NTN1: variants seen among roughly 807,000 people sequenced by gnomAD.
NTN1 encodes the protein netrin-1.
In NTN1, 11 loss-of-function variants were observed where a neutral mutation model predicts 54.2. The observed-to-expected ratio is 0.20, with a 90% CI of 0.13 to 0.34. NTN1 has a LOEUF of 0.34. Ranked by LOEUF, NTN1 falls within the 10% of genes least tolerant of loss-of-function variation. The probability of loss-of-function intolerance (pLI) is 1.00; values close to 1 mark genes in which losing one functional copy is unlikely to be tolerated. For missense variants in NTN1, 740 were observed against 893.1 expected, an observed-to-expected ratio of 0.83 and a Z score of 2.18; for synonymous variants, 371 against 382.0, an observed-to-expected ratio of 0.97 and a Z score of 0.33.
At chr17:9,087,214 G>GA (rs1167615803) in intron 2 of NTN1, among the ~76,000 whole-genome samples, 1 of 152,170 alleles carries the variant, frequency 6.6e-6, no homozygotes, top group Non-Finnish European at 1.5e-5. Context: ...GGATGAGTGG[G>GA]AGGTGGCTAG....
intron 5 of NTN1, chr17:9,183,789 G>C (rs1396278229): frequency 5.9e-6 from 1 of 170,358 alleles, no homozygotes; most frequent in African/African-American, 2.4e-5. Context: ...TCTGAGGAAG[G>C]GTCCACAGGC....
rs1355084031 is a variant in NTN1 at position 9,239,589 on chromosome 17, A to T, written c.1487-51A>T. The stretch of plus-strand genomic sequence containing the variant: ...TTCTCCCCAGGCTCAGGCAGGGCGG[A>T]CCTAGCCACAGCAGCTGGGAGCCCA... On this transcript the variant is annotated intron_variant, in intron 6 of 6. Coordinates refer to ENST00000173229, the MANE Select transcript of NTN1 (RefSeq NM_004822.3). The surrounding 1 kb of genome is among the most constrained non-coding windows in gnomAD (Gnocchi z 5.2). The T allele has an allele frequency of 6.4e-7, 1 of 1,563,096 alleles. No homozygotes were observed. The highest frequency in any genetic ancestry group is 8.8e-7 in the Non-Finnish European group (1 of 1,142,244).
rs148213778 is a variant in NTN1, at chr17:9,226,161, T to TGGGGGGGGGGGGGG, written c.1486+4919_1486+4920insGGGGGGGGGGGGGG. On this transcript the variant is annotated intron_variant, in intron 6 of 6. Transcript: ENST00000173229. ...CGAAGCAAGGCAAAGGGATTTGGGG[T>TGGGGGGGGGGGGGG]CGGGGGGGGGCCTCAGTGCCAAGGC... Among the ~76,000 whole-genome samples, 10 of 118,066 alleles carry TGGGGGGGGGGGGGG rather than the reference T, an allele frequency of 8.5e-5. 1 individual carries two copies. Among genetic ancestry groups the TGGGGGGGGGGGGGG allele is most frequent in the Non-Finnish European group, 1.4e-4 (8 of 55,280 alleles). The allele number at this position is 118,066 out of a possible 152,430, so 77.5% of individuals were successfully genotyped here.
At chr17:9,009,979 C>G in the NTN1 span, among the ~76,000 whole-genome samples, 3 of 152,202 alleles carry the variant, frequency 2.0e-5, no homozygotes, top group Non-Finnish European at 4.4e-5. Flanking sequence ...TCTCTAAGGG[C>G]CGCCTCTGTC....
At chr17:9,237,386 A>C (rs1486252364) in intron 6 of NTN1, among the ~76,000 whole-genome samples, 1 of 152,150 alleles carries the variant, frequency 6.6e-6, no homozygotes, top group Non-Finnish European at 1.5e-5. Flanking sequence ...ATTTTTAAAA[A>C]TTTTAATGGG....
intron 2 of NTN1, among the ~76,000 whole-genome samples, chr17:9,112,288 A>G (rs1418717339): frequency 6.6e-6 from 1 of 152,244 alleles, no homozygotes; most frequent in African/African-American, 2.4e-5. Flanking sequence ...GAATCCACAA[A>G]TAATGAGGTT....
rs1251906343 is a variant in NTN1, at chr17:9,212,917, C to G, written c.1412-8251C>G. On this transcript the variant is annotated intron_variant, in intron 5 of 6. Coordinates refer to ENST00000173229, the MANE Select transcript of NTN1 (RefSeq NM_004822.3). The surrounding 1 kb of genome is among the most constrained non-coding windows in gnomAD (Gnocchi z 5.5). ...ACCGTGGCCGCCGGGCTCTGCCTGC[C>G]ATATGCTCAGAGATGAGCCTCGATC... is the stretch of plus-strand genomic sequence containing the variant. Among the ~76,000 whole-genome samples, 1 of 152,224 alleles carries G rather than the reference C, an allele frequency of 6.6e-6. No homozygotes were observed.
chr17:9,086,805 C>G (rs1469148565), intron 2 of NTN1, among the ~76,000 whole-genome samples: 1 of 152,160 alleles, frequency 6.6e-6, no homozygotes, highest in Non-Finnish European at 1.5e-5. Context: ...CCTGCACCAT[C>G]ACCATCATCA....
At chr17:9,184,799 G>A (rs2092428432) in intron 5 of NTN1, among the ~76,000 whole-genome samples, 1 of 152,222 alleles carries the variant, frequency 6.6e-6, no homozygotes, top group African/African-American at 2.4e-5. Flanking sequence ...GGAGGGGAGG[G>A]ATCTCATGAG....
At position 9,159,762 on chromosome 17, in the gene NTN1, C is replaced by G. The variant is rs191707808; in HGVS notation, c.1019-3051C>G. On this transcript the variant is annotated intron_variant, in intron 2 of 6. Transcript: ENST00000173229. ...GTTGCAGTGAGCCAAGATCACGCCA[C>G]TGCACTCCAGCCTGGGCTACAGAAC... Among the ~76,000 whole-genome samples, 111 of 152,196 alleles carry G rather than the reference C, an allele frequency of 7.3e-4. 1 individual carries two copies. The highest frequency in any genetic ancestry group is 2.6e-3 in the African/African-American group (109 of 41,534).
chr17:9,005,159 G>A, the NTN1 span, among the ~76,000 whole-genome samples: 11 of 152,186 alleles, frequency 7.2e-5, no homozygotes, highest in South Asian at 1.5e-3. Flanking sequence ...GAGCTTTAGC[G>A]ACTCCCAGAT....
intron 6 of NTN1, among the ~76,000 whole-genome samples, chr17:9,225,657 G>C (rs968215044): frequency 1.3e-5 from 2 of 152,210 alleles, no homozygotes; most frequent in Non-Finnish European, 2.9e-5. Context: ...TGACCAGTAG[G>C]GGGAGGGCAG....
chr17:9,200,449 A>G (rs1448021619), intron 5 of NTN1, among the ~76,000 whole-genome samples: 1 of 152,234 alleles, frequency 6.6e-6, no homozygotes, highest in Admixed American at 6.5e-5. Flanking sequence ...GTTACAGCGG[A>G]TTAGCAGCCG....
At chr17:9,119,880 T>C (rs1201567638) in intron 2 of NTN1, among the ~76,000 whole-genome samples, 1 of 152,194 alleles carries the variant, frequency 6.6e-6, no homozygotes, top group Non-Finnish European at 1.5e-5. Flanking sequence ...TGATGGCTAA[T>C]GATGTTGAGC....
At chr17:9,137,068 C>G (rs139787894) in intron 2 of NTN1, among the ~76,000 whole-genome samples, 1 of 152,266 alleles carries the variant, frequency 6.6e-6, no homozygotes, top group East Asian at 1.9e-4. Flanking sequence ...ATTTTCTCCC[C>G]TCCTCCACAC....
intron 6 of NTN1, among the ~76,000 whole-genome samples, chr17:9,225,286 C>T (rs1285942974): frequency 6.6e-6 from 1 of 151,956 alleles, no homozygotes; most frequent in Non-Finnish European, 1.5e-5. Flanking sequence ...GTTGGGGAGT[C>T]CTCCCCACCC....
At chr17:9,191,588 CT>C (rs765656618) in intron 5 of NTN1, among the ~76,000 whole-genome samples, 12 of 152,080 alleles carry the variant, frequency 7.9e-5, no homozygotes, top group Non-Finnish European at 1.2e-4. Context: ...TAATAAAGAA[CT>C]TTTACAGTTC....
At chr17:9,161,934 A>G (rs2092358122) in intron 2 of NTN1, among the ~76,000 whole-genome samples, 1 of 110,098 alleles carries the variant, frequency 9.1e-6, no homozygotes, top group African/African-American at 3.3e-5. Context: ...GAGACCCCAG[A>G]CCTGAAGCTG....
chr17:9,182,921 C>T lies in NTN1; in HGVS notation c.1363C>T (p.Pro455Ser). ...RSPIAPCIKI[P>S]VAPPTTAASS... is the part of the protein sequence containing the mutation. The stretch of plus-strand genomic sequence containing the variant: ...CCGTCTTGAACCTCACAAAGAGATC[C>T]CTGTAGCGCCGCCGACGACTGCAGC... The change falls in exon 5 of 7, where the codon CCT (proline) becomes TCT (serine). Residue 455 changes from proline (P) to serine (S), a missense_variant. Coordinates refer to ENST00000173229, the MANE Select transcript of NTN1 (RefSeq NM_004822.3). 6.2e-7 allele frequency: 1 copy of T among 1,614,126 alleles called. No homozygotes were observed. Among genetic ancestry groups the T allele is most frequent in the Admixed American group, 1.7e-5 (1 of 60,018 alleles).
Sources: allele counts gnomAD v4.1 joint callset (sites outside exome capture counted in the v4.1 genomes callset), GRCh38; gene constraint gnomAD v4.1.1; non-coding constraint Gnocchi (gnomAD v3.1); transcripts MANE v1.5; gene names NCBI Gene and HGNC (gene_info 2026-07-23, HGNC 2026-07-21).